The following IPCEF1 variants were observed in gnomAD, a reference collection of about 807,000 sequenced individuals.
IPCEF1 encodes the protein interactor protein for cytohesin exchange factors 1.
A neutral mutation model predicts 50.9 loss-of-function variants in IPCEF1; 31 were observed. The observed-to-expected ratio is 0.61, with a 90% confidence interval of 0.46 to 0.82. The LOEUF (loss-of-function observed/expected upper bound fraction) is 0.82. Ranked by LOEUF, IPCEF1 falls within the 40% of genes least tolerant of loss-of-function variation. The probability of loss-of-function intolerance (pLI) is 0.00; values close to 1 mark genes in which losing one functional copy is unlikely to be tolerated. For missense variants in IPCEF1, 458 were observed against 514.0 expected, an observed-to-expected ratio of 0.89 and a Z score of 1.05; for synonymous variants, 181 against 192.0, an observed-to-expected ratio of 0.94 and a Z score of 0.47.
In IPCEF1 at chr6:154,221,175, A is replaced by T. The variant is rs991659494; in HGVS notation, c.392+82T>A. On this transcript the variant is annotated intron_variant, in intron 7 of 11. Coordinates refer to ENST00000367220, the MANE Select transcript of IPCEF1 (RefSeq NM_001130700.2). ...AGAAATAAAATAATAATTGATATGG[A>T]CATATGATTAGAATTCCAGTACCAG... 78 of 949,758 alleles carry T rather than the reference A, an allele frequency of 8.2e-5. No individual in the cohort carries two copies. In the African/African-American group the frequency reaches 1.1e-3, roughly 13 times the overall value. 58.8% of individuals were successfully genotyped at this position (949,758 alleles called of 1,614,324 possible).
chr6:154,348,579 T>C (rs1784073045), intron 1 of IPCEF1, among the ~76,000 whole-genome samples: 1 of 152,248 alleles, frequency 6.6e-6, no homozygotes, highest in Admixed American at 6.5e-5. Flanking sequence ...TGGGTCCTTA[T>C]CATATTATAT....
intron 2 of IPCEF1, among the ~76,000 whole-genome samples, chr6:154,279,504 CTTAT>C (rs1347548803): frequency 1.3e-5 from 2 of 152,024 alleles, no homozygotes; most frequent in African/African-American, 4.8e-5. Context: ...TCTTGTCTTC[CTTAT>C]TAGATCTACA....
intron 5 of IPCEF1, among the ~76,000 whole-genome samples, chr6:154,236,769 G>T (rs1337927304): frequency 6.6e-6 from 1 of 152,078 alleles, no homozygotes; most frequent in East Asian, 1.9e-4. Context: ...GATGGTGGGT[G>T]GTTTGCCTAG....
intron 6 of IPCEF1, among the ~76,000 whole-genome samples, chr6:154,221,986 T>C (rs1445989520): frequency 1.3e-5 from 2 of 152,238 alleles, no homozygotes; most frequent in Non-Finnish European, 2.9e-5. Flanking sequence ...GTGATAGAAA[T>C]AACACTTCAA....
intron 1 of IPCEF1, among the ~76,000 whole-genome samples, chr6:154,292,186 G>A (rs1218979787): frequency 6.6e-6 from 1 of 152,094 alleles, no homozygotes. Context: ...CAGTTGCTTT[G>A]CCTAACACCC....
In IPCEF1 at chr6:154,308,386, C is replaced by A. The variant is rs979755524; in HGVS notation, c.-61-18630G>T. On this transcript the variant is annotated intron_variant, in intron 1 of 11. Coordinates refer to ENST00000367220, the MANE Select transcript of IPCEF1 (RefSeq NM_001130700.2). ...GATCTACCTGTCTCAGCCTCCCAAA[C>A]AAACTACTGGGATTACAGGCTTGAG... Among the ~76,000 whole-genome samples the A allele has an allele frequency of 3.2e-4, 49 of 152,102 alleles. 1 individual carries two copies. Among genetic ancestry groups the A allele is most frequent in the Admixed American group, 3.1e-3 (48 of 15,266 alleles).
intron 1 of IPCEF1, among the ~76,000 whole-genome samples, chr6:154,291,027 G>T (rs1241354196): frequency 1.3e-5 from 2 of 151,698 alleles, no homozygotes; most frequent in Non-Finnish European, 2.9e-5. Flanking sequence ...CTGAGTAGCT[G>T]GGATTACAGG....
intron 2 of IPCEF1, among the ~76,000 whole-genome samples, chr6:154,284,999 CA>C (rs553267279): frequency 3.9e-4 from 59 of 149,382 alleles, no homozygotes; most frequent in Middle Eastern, 3.4e-3. Flanking sequence ...GACTCCGACT[CA>C]AAAAAAAAGA....
intron 1 of IPCEF1, among the ~76,000 whole-genome samples, chr6:154,328,402 T>C (rs571887684): frequency 6.6e-6 from 1 of 152,226 alleles, no homozygotes; most frequent in South Asian, 2.1e-4. Context: ...TTCCCCACCT[T>C]GGAGATTTAC....
intron 11 of IPCEF1, among the ~76,000 whole-genome samples, chr6:154,163,763 G>A (rs926494057): frequency 3.3e-5 from 5 of 152,132 alleles, no homozygotes; most frequent in African/African-American, 1.2e-4. Context: ...CCTATTTGGA[G>A]TCTGAGGAAA....
intron 5 of IPCEF1, among the ~76,000 whole-genome samples, chr6:154,242,209 T>C (rs1426371369): frequency 6.6e-6 from 1 of 152,180 alleles, no homozygotes; most frequent in Non-Finnish European, 1.5e-5. Context: ...AAGATCCTAA[T>C]AATGTGTTAG....
At chr6:154,343,096 A>G (rs752844456) in intron 1 of IPCEF1, among the ~76,000 whole-genome samples, 9 of 152,190 alleles carry the variant, frequency 5.9e-5, no homozygotes, top group Non-Finnish European at 1.3e-4. Context: ...AGCCTCGGCA[A>G]AAGAGCCAGA....
intron 10 of IPCEF1, among the ~76,000 whole-genome samples, chr6:154,186,703 C>T (rs986218070): frequency 1.3e-5 from 2 of 152,038 alleles, no homozygotes; most frequent in Non-Finnish European, 2.9e-5. Flanking sequence ...ACTACAGGCG[C>T]CCGCCATCAC....
At chr6:154,354,674 A>G (rs1168041171) in intron 1 of IPCEF1, among the ~76,000 whole-genome samples, 1 of 151,990 alleles carries the variant, frequency 6.6e-6, no homozygotes, top group Admixed American at 6.6e-5. Flanking sequence ...ACCACCATGT[A>G]TCGCCAACCC....
At chr6:154,282,182 A>G (rs1275341979) in intron 2 of IPCEF1, among the ~76,000 whole-genome samples, 1 of 151,896 alleles carries the variant, frequency 6.6e-6, no homozygotes, top group African/African-American at 2.4e-5. Context: ...ATTAAAAAAT[A>G]AATAAATAAA....
chr6:154,225,505 G>A (rs186631095), intron 5 of IPCEF1, among the ~76,000 whole-genome samples: 2 of 152,250 alleles, frequency 1.3e-5, no homozygotes, highest in Non-Finnish European at 2.9e-5. Context: ...CTCATCTCTC[G>A]TATGATTCAA....
chr6:154,188,175 C>T (rs889552938), intron 10 of IPCEF1, among the ~76,000 whole-genome samples: 1 of 151,990 alleles, frequency 6.6e-6, no homozygotes, highest in African/African-American at 2.4e-5. Flanking sequence ...CTTAAAAATG[C>T]ATTTTAAAAA....
In IPCEF1 at chr6:154,181,197, G is replaced by GGC. The variant is rs1157743197; in HGVS notation, c.911-13085_911-13084insGC. Among the ~76,000 whole-genome samples, 3 of 152,026 alleles carry GGC rather than the reference G, an allele frequency of 2.0e-5. No individual in the cohort carries two copies. In the East Asian group the frequency reaches 5.8e-4, roughly 29 times the overall value. On this transcript the variant is annotated intron_variant, in intron 10 of 11. Coordinates refer to ENST00000367220, the MANE Select transcript of IPCEF1 (RefSeq NM_001130700.2). ...ATTATTTAATTAAGAAAAAAATCTG[G>GGC]ATAACTCATTTTAGTAGTGAGGACA...
At chr6:154,193,685 C>G (rs1442667303) in intron 10 of IPCEF1, among the ~76,000 whole-genome samples, 1 of 152,088 alleles carries the variant, frequency 6.6e-6, no homozygotes, top group Non-Finnish European at 1.5e-5. Flanking sequence ...ACTTTCCAAC[C>G]CTCTACACCG....
Sources: allele counts gnomAD v4.1 joint callset (sites outside exome capture counted in the v4.1 genomes callset), GRCh38; gene constraint gnomAD v4.1.1; transcripts MANE v1.5; gene names NCBI Gene and HGNC (gene_info 2026-07-23, HGNC 2026-07-21).